DHX37: variants seen among roughly 807,000 people sequenced by gnomAD.
DHX37 encodes DEAH-box helicase 37, also known as probable ATP-dependent RNA helicase DHX37.
Under a neutral mutation model 134.3 loss-of-function variants are expected in DHX37, and 52 were observed. The ratio of observed to expected loss-of-function variants is 0.39; its 90% CI spans 0.31 to 0.49. DHX37 has a LOEUF of 0.49. Among genes scored for constraint, DHX37 ranks in the 20% least tolerant of loss-of-function variants. The pLI is 0.93. For synonymous variants in DHX37, 634 were observed against 670.7 expected (o/e 0.95, Z 0.85); for missense variants, 1,344 against 1,580.8 (o/e 0.85, Z 2.54).
rs1953998496 is a variant in DHX37, at chr12:124,952,635, C to T, written c.2696-65G>A. On this transcript the variant is annotated intron_variant, in intron 20 of 26. Transcript: ENST00000308736. ...CCCGGAGCCAGCTCTGCCCTGACCT[C>T]CTAGAAAGTCCCAACCATGCTCAGT... The T allele has an allele frequency of 2.7e-6, 4 of 1,474,014 alleles. No homozygotes were observed. The South Asian group carries it at 4.2e-5, about 15-fold the overall frequency. The allele number at this position is 1,474,014 out of a possible 1,614,324, so 91.3% of individuals were successfully genotyped here. A position where few individuals can be genotyped will look rare whatever the true frequency, so the allele number is the denominator to read the frequency against.
Position 124,971,288 on chromosome 12 carries a change from G to A in DHX37, c.1191+14C>T, listed in dbSNP as rs759514218. On this transcript the variant is annotated intron_variant, in intron 8 of 26. Transcript: ENST00000308736. ...TAGGGCTCGGGGCTCCCCAGCACCC[G>A]CCTCCTGCGCTACCTTAGCCCGGAG... 163 of 1,610,038 alleles carry A rather than the reference G, an allele frequency of 1.0e-4. 2 individuals carry two copies. In the South Asian group the frequency reaches 1.0e-3, roughly 10 times the overall value.
chr12:124,975,342 C>A, intron 6 of DHX37, 77 bp downstream of exon 6: 1 of 1,466,184 alleles, frequency 6.8e-7, no homozygotes, highest in South Asian at 1.2e-5. Context: ...TGCTGCTCAC[C>A]TCCTCCTGGG....
chr12:124,960,505 C>A (rs1166770723), intron 15 of DHX37, 82 bp from the exon 16 acceptor site: 1 of 1,552,218 alleles, frequency 6.4e-7, no homozygotes. Context: ...AGACAGAAAC[C>A]GGGACAACAA....
intron 25 of DHX37, chr12:124,948,452 A>G: frequency 1.8e-6 from 1 of 571,182 alleles, no homozygotes; most frequent in Non-Finnish European, 3.0e-6. Context: ...CTTGTCTCAA[A>G]AACAAACAAA....
chr12:124,959,005 G>C (rs1185016364), intron 16 of DHX37, among the ~76,000 whole-genome samples: 2 of 146,996 alleles, frequency 1.4e-5, no homozygotes, highest in African/African-American at 5.3e-5. Context: ...TGCCTCCCAG[G>C]TTCCAGTGAT....
At chr12:124,958,868 C>T (rs1954160983) in intron 16 of DHX37, among the ~76,000 whole-genome samples, 1 of 151,574 alleles carries the variant, frequency 6.6e-6, no homozygotes, top group African/African-American at 2.4e-5. Flanking sequence ...TTGTGATCCA[C>T]CCGCCTCGGC....
chr12:124,977,910 A>G (rs1440725935), intron 4 of DHX37, among the ~76,000 whole-genome samples: 1 of 152,176 alleles, frequency 6.6e-6, no homozygotes, highest in East Asian at 1.9e-4. Flanking sequence ...TGACTCATGG[A>G]AAGAAACACA....
rs78350183 is a variant in DHX37 at position 124,980,688 on chromosome 12, G to C, written c.540C>G (p.Asp180Glu). The change falls in exon 4 of 27, where the codon GAC becomes GAG. Residue 180 changes from aspartate to glutamate, a missense_variant. Around this residue, in one of 7 missense-constraint regions of DHX37, gnomAD observed 319 missense variants for 296.1 expected, o/e 1.08. Transcript: ENST00000308736. The surrounding 1 kb of genome is among the most constrained non-coding windows in gnomAD (Gnocchi z 5.3). ...ESELEEESELDEDPAAEPAEA... is the reference protein window; with the variant it reads ...ESELEEESELEEDPAAEPAEA... Reference sequence around the variant, plus strand: ...CAGCCGGCTCAGCAGCTGGGTCCTCGTCCAGCTCCGACTCCTCCTCCAGCT... The same window carrying C: ...CAGCCGGCTCAGCAGCTGGGTCCTCCTCCAGCTCCGACTCCTCCTCCAGCT... The C allele has an allele frequency of 8.4e-4, 1,333 of 1,580,166 alleles. 7 individuals carry two copies. In the African/African-American group the frequency reaches 0.016, roughly 19 times the overall value.
At chr12:124,967,471 G>T (rs1954413512) in intron 10 of DHX37, among the ~76,000 whole-genome samples, 1 of 152,194 alleles carries the variant, frequency 6.6e-6, no homozygotes. Context: ...GCCCTGAGAA[G>T]CGTGCTCACA....
intron 1 of DHX37, among the ~76,000 whole-genome samples, chr12:124,986,729 C>A (rs7956198): frequency 0.77 from 116,553 of 151,240 alleles, 45,500 homozygotes; most frequent in East Asian, 0.99. Flanking sequence ...GAAAACCCCC[C>A]AAAAAATACT....
At chr12:124,974,090 A>C (rs756015957) in intron 6 of DHX37, among the ~76,000 whole-genome samples, 1 of 151,388 alleles carries the variant, frequency 6.6e-6, no homozygotes, top group Non-Finnish European at 1.5e-5. Flanking sequence ...AGTAGCTGGC[A>C]TTACAGGCAC....
rs369326344 is a variant in DHX37 at position 124,964,923 on chromosome 12, C to A, written c.1812+7G>T. 1 of 1,586,422 alleles carries A rather than the reference C, an allele frequency of 6.3e-7. No individual in the cohort carries two copies. The highest frequency in any genetic ancestry group is 1.2e-5 in the South Asian group (1 of 86,500). ...CCAAAAGCTGGGCACCGGCCCAGCA[C>A]GGTTACCTGTGCTTGCTTCTCTGGG... On this transcript the variant is annotated splice_region_variant and intron_variant, in intron 14 of 26. Transcript: ENST00000308736.
chr12:124,957,229 C>G (rs1259269886), intron 16 of DHX37, 94 bp from the exon 17 acceptor site: 15 of 1,202,482 alleles, frequency 1.2e-5, no homozygotes, highest in South Asian at 5.7e-5. Context: ...CCTCCAACCC[C>G]TCTCTCCGGG....
At chr12:124,952,306 G>A in intron 21 of DHX37, 92 bp downstream of exon 21, 1 of 1,380,110 alleles carries the variant, frequency 7.2e-7, no homozygotes, top group Non-Finnish European at 9.6e-7. Flanking sequence ...AGCTGAGAGG[G>A]AACAAGCCTC....
In DHX37 at chr12:124,949,794, G is replaced by A. The variant is rs961368858; in HGVS notation, c.3290+192C>T. The stretch of plus-strand genomic sequence containing the variant: ...GATGTGGCCACAAGCCCAGGAGGCC[G>A]ACAGAGGCAAGACGGACCCTCCCCG... On this transcript the variant is annotated intron_variant, in intron 25 of 26. Coordinates refer to ENST00000308736, the MANE Select transcript of DHX37 (RefSeq NM_032656.4). The surrounding 1 kb of genome is among the most constrained non-coding windows in gnomAD (Gnocchi z 4.0). 3.3e-5 allele frequency among the ~76,000 whole-genome samples: 5 copies of A among 152,146 alleles called. No individual in the cohort carries two copies. The highest frequency in any genetic ancestry group is 4.8e-5 in the African/African-American group (2 of 41,436).
rs940859183 is a variant in DHX37 at position 124,965,108 on chromosome 12, C to A, written c.1736-102G>T. On this transcript the variant is annotated intron_variant, in intron 13 of 26. Transcript: ENST00000308736. ...GCACCCCCAGGCTGCTCCACCAGAG[C>A]TCCTTTCTTTGCCCTGCTGCAGAGG... 1.9e-5 allele frequency: 25 copies of A among 1,331,452 alleles called. No individual in the cohort carries two copies. In the African/African-American group the frequency reaches 2.3e-4, roughly 12 times the overall value. 82.5% of individuals were successfully genotyped at this position (1,331,452 alleles called of 1,614,324 possible).
At position 124,954,207 on chromosome 12, in the gene DHX37, C is replaced by A; in HGVS notation, c.2458G>T (p.Ala820Ser). Residue 820 changes from alanine (A) to serine (S), a missense_variant, in exon 19 of 27, where the codon GCG (alanine) becomes TCG (serine). Around this residue, in one of 7 missense-constraint regions of DHX37, gnomAD observed 558 missense variants for 650.0 expected, o/e 0.86. Transcript: ENST00000308736. Reference protein sequence around the residue: ...RELFEELDRPAASDEELTRLK... With the variant: ...RELFEELDRPSASDEELTRLK... ...CTGGTGAGCTCCTCGTCACTGGCCGCTGGTCTGCAAACACACATACATACT... is the reference window on the plus strand; with the variant it reads ...CTGGTGAGCTCCTCGTCACTGGCCGATGGTCTGCAAACACACATACATACT... The A allele has an allele frequency of 6.3e-7, 1 of 1,593,852 alleles. No individual in the cohort carries two copies. Among genetic ancestry groups the A allele is most frequent in the Non-Finnish European group, 8.5e-7 (1 of 1,171,524 alleles).
rs750605552 is a variant in DHX37 at position 124,967,123 on chromosome 12, C to T, written c.1504G>A (p.Glu502Lys). The T allele has an allele frequency of 6.2e-7, 1 of 1,613,688 alleles. No individual in the cohort carries two copies. Among genetic ancestry groups the T allele is most frequent in the South Asian group, 1.1e-5 (1 of 91,066 alleles). ...AFPPSRARPQ[E>K]KDDDQKDSVE... Reference sequence around the variant, plus strand: ...GTGCTGGTCGGGGCGTCCTCTTTACCTTGTGGCCGGGCTCTGGAGGGTGGG... The same window carrying T: ...GTGCTGGTCGGGGCGTCCTCTTTACTTTGTGGCCGGGCTCTGGAGGGTGGG... The change falls in exon 11 of 27, where the codon GAA (glutamate) becomes AAA (lysine). Residue 502 changes from glutamate (E) to lysine (K), a missense_variant and splice_region_variant. By Grantham distance (56) the Glu-to-Lys change is moderately conservative (BLOSUM62 1). This residue lies in a region of DHX37 where 289 missense variants were observed against 323.8 expected (regional missense o/e 0.89). Transcript: ENST00000308736.
Position 124,958,349 on chromosome 12 carries a change from CAA to C in DHX37, c.2158-1216_2158-1215del, listed in dbSNP as rs1954146186. On this transcript the variant is annotated intron_variant, in intron 16 of 26. Transcript: ENST00000308736. ...GAGGGGGCCTGCTCTGGAGCTGACT[CAA>C]GAGCCAGGGGAAGCCACTGCGGAGT... is the stretch of plus-strand genomic sequence containing the variant. Among the ~76,000 whole-genome samples, 3 of 152,282 alleles carry C rather than the reference CAA, an allele frequency of 2.0e-5. No individual in the cohort carries two copies. In the South Asian group the frequency reaches 6.2e-4, roughly 32 times the overall value.
Sources: allele counts gnomAD v4.1 joint callset (sites outside exome capture counted in the v4.1 genomes callset), GRCh38; gene constraint gnomAD v4.1.1; regional missense constraint gnomAD v4.1.1; non-coding constraint Gnocchi (gnomAD v3.1); transcripts MANE v1.5; gene names NCBI Gene and HGNC (gene_info 2026-07-23, HGNC 2026-07-21).